PIWIL3: variants seen among roughly 807,000 people sequenced by gnomAD.
PIWIL3 encodes piwi-like protein 3.
In PIWIL3, 101 loss-of-function variants were observed where a neutral mutation model predicts 109.7. The observed-to-expected ratio is 0.92, with a 90% CI of 0.78 to 1.09. The LOEUF is 1.09. Among genes scored for constraint, PIWIL3 ranks in the 50% least tolerant of loss-of-function variants. PIWIL3 has a pLI of 0.00. For missense variants in PIWIL3, 1,031 were observed against 1,072.6 expected (o/e 0.96, Z 0.54); for synonymous variants, 373 against 376.4 (o/e 0.99, Z 0.10).
rs201056468 is a variant in PIWIL3 at position 24,762,472 on chromosome 22, G to C, written c.28C>G (p.Arg10Gly). 57 of 1,613,656 alleles carry C rather than the reference G, an allele frequency of 3.5e-5. No homozygotes were observed. The East Asian group carries it at 1.1e-3, about 32-fold the overall frequency. The part of the protein sequence containing the change: MPGRARTRA[R>G]GRARRRESYQ... ...CTCTCCCTGCGGCGGGCTCTGCCTC[G>C]GGCGCGAGTCCTTGCCCTACCAGGC... is the stretch of plus-strand genomic sequence containing the variant. Residue 10 changes from arginine to glycine, a missense_variant, in exon 2 of 21, where the codon CGA becomes GGA. By Grantham distance (125) the Arg-to-Gly change is moderately radical. Coordinates refer to ENST00000616349, the MANE Select transcript of PIWIL3 (RefSeq NM_001255975.1).
In PIWIL3 at chr22:24,725,438, C is replaced by T. The variant is rs1922933721; in HGVS notation, c.2080+7G>A. The T allele has an allele frequency of 6.2e-7, 1 of 1,613,616 alleles. No individual in the cohort carries two copies. Among genetic ancestry groups the T allele is most frequent in the Non-Finnish European group, 8.5e-7 (1 of 1,180,018 alleles). On this transcript the variant is annotated splice_region_variant and intron_variant, in intron 17 of 20. Coordinates refer to ENST00000616349, the MANE Select transcript of PIWIL3 (RefSeq NM_001255975.1). ...GTCGGGTTCCCCGACCGCTACAAGACACTGACCTTTCAAGCAGATCTCCAG... is the reference window on the plus strand; with the variant it reads ...GTCGGGTTCCCCGACCGCTACAAGATACTGACCTTTCAAGCAGATCTCCAG...
Position 24,728,051 on chromosome 22 carries a change from T to G in PIWIL3, c.1908A>C (p.Val636=). 1 of 1,613,608 alleles carries G rather than the reference T, an allele frequency of 6.2e-7. No homozygotes were observed. The highest frequency in any genetic ancestry group is 1.1e-5 in the South Asian group (1 of 91,028). The part of the protein sequence containing the change: ...GGALWKVETD[V]QRTMFVGIDC... ...CAATGCCAACGAACATTGTTCTTTG[T>G]ACCTTAAGTTTGTTTTTGAAAAGGT... Residue 636 remains valine, a splice_region_variant and synonymous_variant, in exon 16 of 21, where the codon GTA becomes GTC. Transcript: ENST00000616349.
intron 2 of PIWIL3, among the ~76,000 whole-genome samples, chr22:24,761,568 C>T (rs900261534): frequency 6.6e-6 from 1 of 152,122 alleles, no homozygotes; most frequent in Non-Finnish European, 1.5e-5. Flanking sequence ...ACTTGGGAGA[C>T]AGAAAGGCAA....
Position 24,748,509 on chromosome 22 carries a change from G to A in PIWIL3, c.1449+398C>T, listed in dbSNP as rs577675990. Among the ~76,000 whole-genome samples the A allele has an allele frequency of 9.9e-5, 15 of 152,282 alleles. No homozygotes were observed. In the South Asian group the frequency reaches 3.1e-3, roughly 32 times the overall value. On this transcript the variant is annotated intron_variant, in intron 12 of 20. Transcript: ENST00000616349. The stretch of plus-strand genomic sequence containing the variant: ...TGATGTGATTATGCACTGCATGCCT[G>A]TATCAAAATACCACATGTAACCCAT...
chr22:24,734,927 G>T (rs1422554886), intron 13 of PIWIL3, among the ~76,000 whole-genome samples: 2 of 150,924 alleles, frequency 1.3e-5, no homozygotes, highest in Non-Finnish European at 2.9e-5. Context: ...AGGGTTTGTT[G>T]TACAGATTTT....
chr22:24,757,114 A>C (rs1925097556), intron 4 of PIWIL3, among the ~76,000 whole-genome samples: 1 of 151,528 alleles, frequency 6.6e-6, no homozygotes. Flanking sequence ...AAAAGAAAAG[A>C]AAAGCCAAAG....
chr22:24,767,016 C>T (rs1925835235), intron 1 of PIWIL3, among the ~76,000 whole-genome samples: 1 of 151,652 alleles, frequency 6.6e-6, no homozygotes, highest in Non-Finnish European at 1.5e-5. Context: ...ACCTGTAGTC[C>T]CTGGTGCTTG....
intron 16 of PIWIL3, among the ~76,000 whole-genome samples, chr22:24,726,013 C>CA (rs1465881920): frequency 2.6e-5 from 4 of 152,258 alleles, no homozygotes; most frequent in African/African-American, 9.6e-5. Flanking sequence ...ACAGTAACCC[C>CA]ATCTGACCAC....
chr22:24,740,889 G>T (rs927181986), intron 12 of PIWIL3, among the ~76,000 whole-genome samples: 3 of 152,062 alleles, frequency 2.0e-5, no homozygotes, highest in African/African-American at 4.8e-5. Flanking sequence ...AAGAAAGAAG[G>T]AATCCTCCTA....
intron 12 of PIWIL3, among the ~76,000 whole-genome samples, chr22:24,736,528 G>A (rs1923665464): frequency 6.6e-6 from 1 of 152,178 alleles, no homozygotes; most frequent in Non-Finnish European, 1.5e-5. Flanking sequence ...CAAGGATGGA[G>A]TAAGATGGCC....
chr22:24,762,009 G>A, intron 2 of PIWIL3: 1 of 1,000,330 alleles, frequency 1.0e-6, no homozygotes, highest in Non-Finnish European at 1.2e-6. Context: ...AGACAAAACA[G>A]GGCAGGCATA....
intron 3 of PIWIL3, 142 bp downstream of exon 3, chr22:24,759,727 G>T: frequency 8.2e-7 from 1 of 1,217,196 alleles, no homozygotes; most frequent in Non-Finnish European, 1.2e-6. Context: ...TGCACAAAGA[G>T]AGACAGTTGC....
intron 16 of PIWIL3, among the ~76,000 whole-genome samples, chr22:24,727,478 C>A (rs551001290): frequency 6.6e-5 from 10 of 152,180 alleles, no homozygotes; most frequent in Non-Finnish European, 1.2e-4. Context: ...CTGCAGCTGA[C>A]GGTCAACAAC....
intron 3 of PIWIL3, among the ~76,000 whole-genome samples, chr22:24,758,679 T>C (rs1339163443): frequency 6.6e-6 from 1 of 152,206 alleles, no homozygotes; most frequent in Non-Finnish European, 1.5e-5. Context: ...CCTCAAAATT[T>C]TACTTCTGGA....
At chr22:24,739,090 G>C (rs1164991930) in intron 12 of PIWIL3, among the ~76,000 whole-genome samples, 1 of 151,960 alleles carries the variant, frequency 6.6e-6, no homozygotes, top group Non-Finnish European at 1.5e-5. Context: ...GAATACATCA[G>C]AGTCTCTTAA....
rs564622164 is a variant in PIWIL3, at chr22:24,726,498, T to G, written c.2010-983A>C. Reference sequence around the variant, plus strand: ...GACGGGGTTTCACCATGTTAGCCAGTATGGTCTCGATCTCCTGACCTTGTG... The same window carrying G: ...GACGGGGTTTCACCATGTTAGCCAGGATGGTCTCGATCTCCTGACCTTGTG... On this transcript the variant is annotated intron_variant, in intron 16 of 20. Transcript: ENST00000616349. Among the ~76,000 whole-genome samples the G allele has an allele frequency of 7.9e-5, 12 of 152,152 alleles. No homozygotes were observed. The South Asian group carries it at 1.7e-3, about 21-fold the overall frequency.
At chr22:24,770,073 A>G (rs989790892) in intron 1 of PIWIL3, among the ~76,000 whole-genome samples, 1 of 152,230 alleles carries the variant, frequency 6.6e-6, no homozygotes, top group Non-Finnish European at 1.5e-5. Flanking sequence ...AACCAACTGT[A>G]TACTAACTGC....
Position 24,719,848 on chromosome 22 carries a change from G to T in PIWIL3, c.2405C>A (p.Thr802Asn). The change falls in exon 20 of 21, where the codon ACC becomes AAC. Residue 802 changes from threonine to asparagine, a missense_variant. Thr to Asn is a moderately conservative substitution (Grantham distance 65). Transcript: ENST00000616349. Reference protein sequence around the residue: ...VSQSVQDGTVTPTHYNVIYDT... With the variant: ...VSQSVQDGTVNPTHYNVIYDT... ...ATAGATGACGTTATAATGAGTGGGG[G>T]TAACAGTCCCATCTTGCACAGACTG... The T allele has an allele frequency of 1.2e-6, 2 of 1,611,408 alleles. No individual in the cohort carries two copies. Among genetic ancestry groups the T allele is most frequent in the Non-Finnish European group, 1.7e-6 (2 of 1,177,542 alleles).
chr22:24,732,632 G>T (rs911654751), intron 14 of PIWIL3, among the ~76,000 whole-genome samples: 7 of 152,170 alleles, frequency 4.6e-5, no homozygotes, highest in South Asian at 2.1e-4. Flanking sequence ...GACCATCCTG[G>T]CTAACACAGT....
Sources: gnomAD v4.1 joint callset for allele counts (sites outside exome capture counted in the v4.1 genomes callset) on GRCh38, gnomAD v4.1.1 for gene constraint, MANE v1.5 for transcripts, NCBI Gene and HGNC (gene_info 2026-07-23, HGNC 2026-07-21) for gene names.